TCHP: variants seen among roughly 807,000 people sequenced by gnomAD.
TCHP encodes trichoplein keratin filament-binding protein.
Under a neutral mutation model 88.7 loss-of-function variants are expected in TCHP, and 81 were observed. That is an observed-to-expected ratio of 0.91 (90% CI 0.76 to 1.10). The LOEUF (loss-of-function observed/expected upper bound fraction) is 1.10, where lower values mean the gene tolerates loss of function less well. Ranked by LOEUF, TCHP falls within the 50% of genes least tolerant of loss-of-function variation. TCHP has a pLI of 0.00. For missense variants in TCHP, 641 were observed against 632.1 expected (o/e 1.01, Z -0.15); for synonymous variants, 232 against 232.5 (o/e 1.00, Z 0.02).
intron 8 of TCHP, among the ~76,000 whole-genome samples, chr12:109,909,681 A>AT (rs1393246189): frequency 5.3e-5 from 8 of 152,202 alleles, no homozygotes; most frequent in African/African-American, 1.9e-4. Context: ...CTAGCCGGAC[A>AT]TGGCCGGGCG....
Position 109,906,629 on chromosome 12 carries a change from GAAA to G in TCHP, c.520_522del (p.Lys174del), listed in dbSNP as rs763438715. ...AAACTCTTGGGAAATGCAGAAAGAAGAAAAAAAACAGGTGTGGTATGTGGCTCT... is the reference window on the plus strand; with the variant it reads ...AAACTCTTGGGAAATGCAGAAAGAAGAAAAACAGGTGTGGTATGTGGCTCT... On this transcript the variant is annotated inframe_deletion, in exon 5 of 13. Coordinates refer to ENST00000405876, the MANE Select transcript of TCHP (RefSeq NM_001143852.2). The G allele has an allele frequency of 3.1e-6, 5 of 1,607,462 alleles. No individual in the cohort carries two copies. The highest frequency in any genetic ancestry group is 4.2e-6 in the Non-Finnish European group (5 of 1,179,260).
chr12:109,915,090 C>G, intron 11 of TCHP: 1 of 487,554 alleles, frequency 2.1e-6, no homozygotes, highest in Non-Finnish European at 3.7e-6. Context: ...GCCTCTCCAG[C>G]TTTCTACCAG....
chr12:109,913,037 C>T lies in TCHP; in HGVS notation c.1099C>T (p.Arg367Ter), dbSNP rs752603703. ...MWEKREAEWA[R>*]ERSARDRLMS... is the part of the protein sequence containing the mutation. The stretch of plus-strand genomic sequence containing the variant: ...GGAAAAGAGAGAGGCAGAGTGGGCC[C>T]GAGAGCGCAGCGCACGGGACAGACT... Residue 367 changes from arginine to a stop codon, truncating the protein, a stop_gained, in exon 10 of 13, where the codon CGA becomes TGA. Transcript: ENST00000405876. LOFTEE classifies it high-confidence loss of function. The T allele has an allele frequency of 7.9e-5, 127 of 1,613,778 alleles. No homozygotes were observed. Among genetic ancestry groups the T allele is most frequent in the Non-Finnish European group, 1.0e-4 (118 of 1,180,012 alleles).
At chr12:109,893,699 G>A in the TCHP span, among the ~76,000 whole-genome samples, 6 of 152,174 alleles carry the variant, frequency 3.9e-5, no homozygotes, top group Admixed American at 2.6e-4. Context: ...GGAGGGGTGA[G>A]CATTGAGTTC....
intron 6 of TCHP, among the ~76,000 whole-genome samples, 165 bp from the exon 7 acceptor site, chr12:109,908,421 G>A (rs1428104299): frequency 2.0e-5 from 3 of 152,228 alleles, no homozygotes; most frequent in Non-Finnish European, 2.9e-5. Flanking sequence ...AAATGGCTCA[G>A]AGGGGATTGG....
At chr12:109,914,701 G>C in intron 11 of TCHP, 74 bp downstream of exon 11, 1 of 1,339,008 alleles carries the variant, frequency 7.5e-7, no homozygotes, top group Non-Finnish European at 1.0e-6. Context: ...AGGGTTCAGA[G>C]CCGCTGGACT....
chr12:109,906,491 C>A, intron 4 of TCHP, 81 bp from the exon 5 acceptor site: 1 of 1,369,674 alleles, frequency 7.3e-7, no homozygotes, highest in Non-Finnish European at 1.0e-6. Context: ...CCGCAGGTGG[C>A]ACAGAGGGCA....
At position 109,903,056 on chromosome 12, in the gene TCHP, G is replaced by C; in HGVS notation, c.30G>C (p.Trp10Cys). 1 of 1,612,350 alleles carries C rather than the reference G, an allele frequency of 6.2e-7. No individual in the cohort carries two copies. The highest frequency in any genetic ancestry group is 1.3e-5 in the African/African-American group (1 of 75,002). MALPTLPSY[W>C]CSQQRLNQQL... is the part of the protein sequence containing the mutation. ...CGCTCCCGACGCTGCCGTCCTACTG[G>C]TGCAGCCAGCAGCGCCTGAATCAGC... The change falls in exon 2 of 13, where the codon TGG becomes TGC. Residue 10 changes from tryptophan to cysteine, a missense_variant. Transcript: ENST00000405876. This position sits in a 1 kb window ranked among gnomAD's most constrained non-coding sequence, Gnocchi z 4.6.
At position 109,905,241 on chromosome 12, in the gene TCHP, T is replaced by C. The variant is rs1367390710; in HGVS notation, c.456+448T>C. On this transcript the variant is annotated intron_variant, in intron 4 of 12. Coordinates refer to ENST00000405876, the MANE Select transcript of TCHP (RefSeq NM_001143852.2). The surrounding 1 kb of genome is among the most constrained non-coding windows in gnomAD (Gnocchi z 4.0). ...GTGAGGAAAGGATGTTCTAGGTTGA[T>C]GTGACTGTGAGAACCAGGCTTGAGA... is the stretch of plus-strand genomic sequence containing the variant. Among the ~76,000 whole-genome samples, 2 of 152,122 alleles carry C rather than the reference T, an allele frequency of 1.3e-5. No homozygotes were observed. Among genetic ancestry groups the C allele is most frequent in the Admixed American group, 1.3e-4 (2 of 15,258 alleles).
chr12:109,914,349 G>T, intron 10 of TCHP, 93 bp from the exon 11 acceptor site: 1 of 1,197,240 alleles, frequency 8.4e-7, no homozygotes, highest in South Asian at 1.5e-5. Context: ...ATGAGGCTGG[G>T]CCTTGCTGTG....
Position 109,903,525 on chromosome 12 carries a change from T to C in TCHP, c.188+311T>C, listed in dbSNP as rs1181072998. Among the ~76,000 whole-genome samples the C allele has an allele frequency of 3.9e-5, 6 of 152,198 alleles. No homozygotes were observed. Among genetic ancestry groups the C allele is most frequent in the Non-Finnish European group, 7.3e-5 (5 of 68,032 alleles). On this transcript the variant is annotated intron_variant, in intron 2 of 12. Coordinates refer to ENST00000405876, the MANE Select transcript of TCHP (RefSeq NM_001143852.2). The surrounding 1 kb of genome is among the most constrained non-coding windows in gnomAD (Gnocchi z 4.6). ...TGCTGTTTCCCACTGGTATTTGTGC[T>C]TAAATATACACACACAAAGCTACTT...
intron 9 of TCHP, 162 bp from the exon 10 acceptor site, chr12:109,912,829 G>A (rs1870581890): frequency 9.5e-6 from 6 of 632,336 alleles, no homozygotes; most frequent in South Asian, 3.7e-5. Flanking sequence ...AGTACTTTCC[G>A]TGGATGCTGT....
At chr12:109,913,122 G>A (rs1870608430) in intron 10 of TCHP, 50 bp downstream of exon 10, 1 of 1,566,576 alleles carries the variant, frequency 6.4e-7, no homozygotes, top group Non-Finnish European at 8.8e-7. Flanking sequence ...TTGGGCAGGT[G>A]TCTGGAAGTC....
chr12:109,912,597 C>A (rs1309688702), intron 9 of TCHP, among the ~76,000 whole-genome samples: 1 of 152,108 alleles, frequency 6.6e-6, no homozygotes, highest in Non-Finnish European at 1.5e-5. Flanking sequence ...TCAAGACCAG[C>A]CTGACCAACA....
chr12:109,902,756 G>T (rs528267669), intron 1 of TCHP, among the ~76,000 whole-genome samples: 1 of 152,342 alleles, frequency 6.6e-6, no homozygotes, highest in East Asian at 1.9e-4. Context: ...TTACAGGCGT[G>T]AGCCACGGCA....
chr12:109,901,182 G>A (rs938829787), intron 1 of TCHP: 35 of 152,224 alleles, frequency 2.3e-4, no homozygotes, highest in African/African-American at 8.2e-4. Flanking sequence ...GAGAGCCTGG[G>A]CTCTGGTCTC....
chr12:109,890,063 T>C, the TCHP span, among the ~76,000 whole-genome samples: 1 of 152,198 alleles, frequency 6.6e-6, no homozygotes, highest in Non-Finnish European at 1.5e-5. Flanking sequence ...AAAAATAGTA[T>C]TTTGATCATT....
At chr12:109,904,825 A>G (rs1206211416) in intron 4 of TCHP, 32 bp downstream of exon 4, 1 of 1,581,662 alleles carries the variant, frequency 6.3e-7, no homozygotes, top group Non-Finnish European at 8.6e-7. Flanking sequence ...TGATTTATCT[A>G]AGTAGATGAA....
chr12:109,906,721 A>G lies in TCHP; in HGVS notation c.525+81A>G, dbSNP rs1870152918. 3 of 1,190,092 alleles carry G rather than the reference A, an allele frequency of 2.5e-6. No individual in the cohort carries two copies. The South Asian group carries it at 3.7e-5, about 15-fold the overall frequency. The allele number at this position is 1,190,092 out of a possible 1,614,324, so 73.7% of individuals were successfully genotyped here. On this transcript the variant is annotated intron_variant, in intron 5 of 12. Coordinates refer to ENST00000405876, the MANE Select transcript of TCHP (RefSeq NM_001143852.2). ...GTCTTTGCATTCGTTTACCGTTTTC[A>G]GCATCAGTGACTCCAGTTAAGGAGT... is the stretch of plus-strand genomic sequence containing the variant.
Sources: allele counts gnomAD v4.1 joint callset (sites outside exome capture counted in the v4.1 genomes callset), GRCh38; gene constraint gnomAD v4.1.1; non-coding constraint Gnocchi (gnomAD v3.1); transcripts MANE v1.5; gene names NCBI Gene and HGNC (gene_info 2026-07-23, HGNC 2026-07-21).